The following GPLD1 variants were observed in gnomAD, a reference collection of about 807,000 sequenced individuals.
GPLD1 encodes the protein phosphatidylinositol-glycan-specific phospholipase D.
A neutral mutation model predicts 112.6 loss-of-function variants in GPLD1; 84 were observed. That is an observed-to-expected ratio of 0.75 (90% CI 0.63 to 0.89). GPLD1 has a LOEUF of 0.89. Among genes scored for constraint, GPLD1 ranks in the 40% least tolerant of loss-of-function variants. The pLI is 0.00. For missense variants in GPLD1, 1,044 were observed against 1,051.5 expected (o/e 0.99, Z 0.10); for synonymous variants, 386 against 403.8 (o/e 0.96, Z 0.53).
chr6:24,491,459 G>A (rs1213721953), upstream of GPLD1, among the ~76,000 whole-genome samples: 1 of 152,162 alleles, frequency 6.6e-6, no homozygotes. Context: ...AGCACTTTAG[G>A]AGGCCAAGGC....
At chr6:24,475,688 C>CA (rs35291266) in intron 4 of GPLD1, among the ~76,000 whole-genome samples, 6,474 of 113,208 alleles carry the variant, frequency 0.057, 419 homozygotes, top group African/African-American at 0.15. Flanking sequence ...ACTAAAAATA[C>CA]AAAAAAAAAA....
Position 24,445,724 on chromosome 6 carries a change from A to AC in GPLD1, c.1926+1dup. 1 of 1,611,388 alleles carries AC rather than the reference A, an allele frequency of 6.2e-7. No homozygotes were observed. The highest frequency in any genetic ancestry group is 8.5e-7 in the Non-Finnish European group (1 of 1,177,680). On this transcript the variant is annotated splice_donor_variant, in intron 19 of 24. Coordinates refer to ENST00000230036, the MANE Select transcript of GPLD1 (RefSeq NM_001503.4). LOFTEE classifies it high-confidence loss of function. ...CTCCTGTGTGGGGAGGGCTTGTCAT[A>AC]CCTTGTCTCCAGAAATGGTAAACCA...
rs759598032 is a variant in GPLD1, at chr6:24,466,744, C to T, written c.757G>A (p.Asp253Asn). The change falls in exon 10 of 25, where the codon GAT becomes AAT. Residue 253 changes from aspartate (D) to asparagine (N), a missense_variant. Physicochemically the swap from Asp to Asn is conservative, Grantham distance 23. Coordinates refer to ENST00000230036, the MANE Select transcript of GPLD1 (RefSeq NM_001503.4). ...FQEYFLGGLD[D>N]MAFWSTNIYH... ...ATATTAGTGGACCAAAATGCCATAT[C>T]ATCCAGTCCTCCAAGAAAATACTCT... is the stretch of plus-strand genomic sequence containing the variant. 202 of 1,610,592 alleles carry T rather than the reference C, an allele frequency of 1.3e-4. 1 individual carries two copies. Among genetic ancestry groups the T allele is most frequent in the South Asian group, 1.1e-3 (102 of 90,976 alleles).
intron 7 of GPLD1, among the ~76,000 whole-genome samples, chr6:24,471,131 A>G (rs1763802504): frequency 6.6e-6 from 1 of 152,218 alleles, no homozygotes; most frequent in Non-Finnish European, 1.5e-5. Context: ...AAAATAATCA[A>G]TATTGTTCAG....
At chr6:24,438,780 C>T in intron 20 of GPLD1, among the ~76,000 whole-genome samples, 1 of 126,360 alleles carries the variant, frequency 7.9e-6, no homozygotes, top group African/African-American at 3.1e-5. Context: ...AGAAAATCTT[C>T]ATTCCTTTTT....
intron 4 of GPLD1, 135 bp from the exon 5 acceptor site, chr6:24,475,366 T>A: frequency 1.6e-6 from 1 of 622,592 alleles, no homozygotes; most frequent in South Asian, 2.0e-5. Flanking sequence ...TAAATTGCAG[T>A]TTCTAGTTAT....
At chr6:24,432,128 T>C (rs1156284790) in intron 24 of GPLD1, among the ~76,000 whole-genome samples, 1 of 151,770 alleles carries the variant, frequency 6.6e-6, no homozygotes, top group Non-Finnish European at 1.5e-5. Context: ...ACACCTGTGG[T>C]CTCAGCTACT....
At chr6:24,484,137 G>T (rs1281393945) in intron 2 of GPLD1, among the ~76,000 whole-genome samples, 2 of 152,068 alleles carry the variant, frequency 1.3e-5, no homozygotes, top group East Asian at 3.9e-4. Flanking sequence ...GGATGGTCTT[G>T]ATCTCCTGAC....
intron 3 of GPLD1, among the ~76,000 whole-genome samples, chr6:24,477,459 C>G (rs1352048527): frequency 6.6e-6 from 1 of 151,980 alleles, no homozygotes; most frequent in East Asian, 1.9e-4. Flanking sequence ...TAGTGCACGC[C>G]TATAATCCCA....
chr6:24,454,300 C>T, intron 13 of GPLD1, 99 bp from the exon 14 acceptor site: 1 of 760,334 alleles, frequency 1.3e-6, no homozygotes, highest in Non-Finnish European at 2.0e-6. Flanking sequence ...CATTAACTTT[C>T]TCTCACTGAC....
intron 24 of GPLD1, among the ~76,000 whole-genome samples, chr6:24,431,696 G>A (rs1372408249): frequency 6.6e-6 from 1 of 151,740 alleles, no homozygotes; most frequent in East Asian, 1.9e-4. Context: ...CACCACGCCG[G>A]GCTATTTTTT....
intron 12 of GPLD1, among the ~76,000 whole-genome samples, chr6:24,459,330 T>C (rs1168682917): frequency 6.6e-6 from 1 of 152,104 alleles, no homozygotes; most frequent in Non-Finnish European, 1.5e-5. Context: ...CTCAGCTCAC[T>C]GCAACCTCTG....
At chr6:24,465,384 T>G (rs1035347947) in intron 10 of GPLD1, among the ~76,000 whole-genome samples, 1 of 150,488 alleles carries the variant, frequency 6.6e-6, no homozygotes, top group Non-Finnish European at 1.5e-5. Flanking sequence ...CTACCAAAAA[T>G]ACAAACAATT....
rs1561820352 is a variant in GPLD1, at chr6:24,426,418, G to GTGCC, written c.*2613_*2614insGGCA. On this transcript the variant is annotated 3_prime_UTR_variant, in exon 25 of 25. Transcript: ENST00000230036. ...CATATCAGTTGACCTTTTACAGTAG[G>GTGCC]AGTATAATTTACATTGTTTTTGACA... Among the ~76,000 whole-genome samples, 9 of 152,242 alleles carry GTGCC rather than the reference G, an allele frequency of 5.9e-5. No individual in the cohort carries two copies. In the South Asian group the frequency reaches 1.7e-3, roughly 28 times the overall value.
intron 22 of GPLD1, among the ~76,000 whole-genome samples, chr6:24,435,229 T>G (rs935045192): frequency 6.6e-4 from 99 of 149,970 alleles, no homozygotes; most frequent in African/African-American, 2.3e-3. Flanking sequence ...GCCAGGATGG[T>G]CTCGATCTTC....
At chr6:24,456,908 G>T (rs1045406858) in intron 12 of GPLD1, among the ~76,000 whole-genome samples, 10 of 152,134 alleles carry the variant, frequency 6.6e-5, no homozygotes, top group African/African-American at 2.4e-4. Flanking sequence ...TTATCGCTCT[G>T]TCACCAGGCT....
At chr6:24,439,416 G>GA (rs1762677558) in intron 20 of GPLD1, among the ~76,000 whole-genome samples, 1 of 152,194 alleles carries the variant, frequency 6.6e-6, no homozygotes, top group Non-Finnish European at 1.5e-5. Context: ...AATGATTCAT[G>GA]AATCTATTTC....
chr6:24,492,939 G>A (rs892264610), upstream of GPLD1, among the ~76,000 whole-genome samples: 1 of 152,146 alleles, frequency 6.6e-6, no homozygotes, highest in Non-Finnish European at 1.5e-5. Context: ...ATATTAATAT[G>A]CCACCTAAAA....
chr6:24,460,816 T>C (rs1243966559), intron 11 of GPLD1, among the ~76,000 whole-genome samples: 1 of 151,580 alleles, frequency 6.6e-6, no homozygotes, highest in Non-Finnish European at 1.5e-5. Flanking sequence ...CTCGGCTCAT[T>C]GCAACCTTCG....
Sources: gnomAD v4.1 joint callset for allele counts (sites outside exome capture counted in the v4.1 genomes callset) on GRCh38, gnomAD v4.1.1 for gene constraint, MANE v1.5 for transcripts, NCBI Gene and HGNC (gene_info 2026-07-23, HGNC 2026-07-21) for gene names.